Variants in GDA observed in about 807,000 individuals in gnomAD.
GDA encodes guanine deaminase.
In GDA, 18 loss-of-function variants were observed where a neutral mutation model predicts 59.6. That is an observed-to-expected ratio of 0.30 (90% CI 0.21 to 0.45). GDA has a LOEUF of 0.45. Among genes scored for constraint, GDA ranks in the 20% least tolerant of loss-of-function variants. The pLI, the probability that GDA is intolerant of heterozygous loss-of-function variation, is 1.00. For missense variants in GDA, 427 were observed against 552.3 expected (o/e 0.77, Z 2.27); for synonymous variants, 201 against 201.1 (o/e 1.00, Z 0.00).
Position 72,163,051 on chromosome 9 carries a change from A to G in GDA, c.123+13369A>G, listed in dbSNP as rs189382138. Among the ~76,000 whole-genome samples, 669 of 152,350 alleles carry G rather than the reference A, an allele frequency of 4.4e-3. 6 individuals are homozygous for G. The highest frequency in any genetic ancestry group is 0.015 in the African/African-American group (632 of 41,576). On this transcript the variant is annotated intron_variant, in intron 1 of 13. Coordinates refer to ENST00000358399, the MANE Select transcript of GDA (RefSeq NM_004293.5). ...CAAGACTTGCTGGAAGAGATGAGTT[A>G]GAAAATGACTGCAGTGGACCACAAA...
At chr9:72,210,824 A>G in intron 4 of GDA, 50 bp downstream of exon 4, 3 of 1,133,650 alleles carry the variant, frequency 2.6e-6, no homozygotes, top group Non-Finnish European at 4.0e-6. Flanking sequence ...AGACAGCCAG[A>G]CCATCGTGGC....
intron 1 of GDA, among the ~76,000 whole-genome samples, chr9:72,177,001 T>A (rs901557330): frequency 1.3e-5 from 2 of 151,632 alleles, no homozygotes; most frequent in East Asian, 3.9e-4. Context: ...TGCGTAATAG[T>A]GGAGGACTGA....
intron 3 of GDA, among the ~76,000 whole-genome samples, chr9:72,204,621 C>T (rs906004848): frequency 3.9e-5 from 6 of 152,136 alleles, no homozygotes; most frequent in South Asian, 2.1e-4. Context: ...AAATTAATCT[C>T]AATATTCCTT....
rs546934326 is a variant in GDA at position 72,135,817 on chromosome 9, G to A, written c.-100+20984G>A. ...GTGGAGACGGGGTTTTACCATGTTG[G>A]CCGGGCTGCTCTTGAACTCCTGACG... On this transcript the variant is annotated intron_variant, in intron 1 of 13. Transcript: ENST00000545168. 4.2e-3 allele frequency among the ~76,000 whole-genome samples: 634 copies of A among 152,004 alleles called. 7 individuals are homozygous for A. Among genetic ancestry groups the A allele is most frequent in the Non-Finnish European group, 7.5e-3 (508 of 67,966 alleles).
intron 1 of GDA, among the ~76,000 whole-genome samples, chr9:72,173,221 C>G (rs1373347130): frequency 6.6e-6 from 1 of 152,170 alleles, no homozygotes; most frequent in African/African-American, 2.4e-5. Flanking sequence ...GAGCCACATT[C>G]CTTTTATGCT....
chr9:72,194,823 T>C (rs1426123998), intron 1 of GDA, among the ~76,000 whole-genome samples: 2 of 152,174 alleles, frequency 1.3e-5, no homozygotes, highest in Non-Finnish European at 2.9e-5. Context: ...GGATCAGCAA[T>C]TCCCCTCTGG....
At chr9:72,203,090 A>C (rs1834213704) in intron 3 of GDA, among the ~76,000 whole-genome samples, 1 of 152,186 alleles carries the variant, frequency 6.6e-6, no homozygotes, top group African/African-American at 2.4e-5. Flanking sequence ...ATATGGATTC[A>C]TTATGTGACC....
intron 1 of GDA, among the ~76,000 whole-genome samples, chr9:72,172,858 G>A (rs1358645454): frequency 6.6e-6 from 1 of 151,886 alleles, no homozygotes; most frequent in Non-Finnish European, 1.5e-5. Flanking sequence ...CAACCCTCCT[G>A]TAAACATTTA....
At chr9:72,224,655 C>T (rs1003806943) in intron 7 of GDA, among the ~76,000 whole-genome samples, 5 of 152,068 alleles carry the variant, frequency 3.3e-5, no homozygotes, top group African/African-American at 1.2e-4. Flanking sequence ...TAACAAAGGG[C>T]ACAGAATGGA....
intron 1 of GDA, among the ~76,000 whole-genome samples, chr9:72,186,707 AT>A (rs1455464700): frequency 6.6e-6 from 1 of 152,220 alleles, no homozygotes; most frequent in Admixed American, 6.5e-5. Flanking sequence ...CTTCCGTGTT[AT>A]TTACAGAATA....
chr9:72,212,355 G>C (rs925411181), intron 4 of GDA, among the ~76,000 whole-genome samples: 1 of 151,856 alleles, frequency 6.6e-6, no homozygotes, highest in African/African-American at 2.4e-5. Context: ...AGTGGTGGGC[G>C]CCTGTAGTCC....
intron 1 of GDA, among the ~76,000 whole-genome samples, chr9:72,150,668 C>G (rs1166411758): frequency 6.6e-6 from 1 of 152,138 alleles, no homozygotes; most frequent in African/African-American, 2.4e-5. Flanking sequence ...TGTGATTTGT[C>G]AAGTTGAAGA....
chr9:72,140,514 A>G (rs573661474), intron 1 of GDA, among the ~76,000 whole-genome samples: 4 of 152,306 alleles, frequency 2.6e-5, no homozygotes, highest in African/African-American at 9.6e-5. Context: ...ATGCAAAACA[A>G]TATATTCCCA....
At position 72,158,939 on chromosome 9, in the gene GDA, A is replaced by C. The variant is rs115373199; in HGVS notation, c.123+9257A>C. On this transcript the variant is annotated intron_variant, in intron 1 of 13. Coordinates refer to ENST00000358399, the MANE Select transcript of GDA (RefSeq NM_004293.5). ...TACAAATGAGGAAACGGAGGCTCGG[A>C]GAGTTACTTGGCTGCAGTCACAGCA... Among the ~76,000 whole-genome samples, 978 of 152,204 alleles carry C rather than the reference A, an allele frequency of 6.4e-3. 14 individuals carry two copies. The highest frequency in any genetic ancestry group is 0.022 in the African/African-American group (907 of 41,522).
Position 72,250,871 on chromosome 9 carries a change from A to T in GDA, c.*2529A>T, listed in dbSNP as rs902979455. The T allele has an allele frequency of 3.0e-5, 47 of 1,585,494 alleles. No homozygotes were observed. The highest frequency in any genetic ancestry group is 8.5e-5 in the Admixed American group (5 of 58,592). Reference sequence around the variant, plus strand: ...AAACAATTCAAAAGTATCGATTATCATAAATTCACAAAATATTTTTGCAAC... The same window carrying T: ...AAACAATTCAAAAGTATCGATTATCTTAAATTCACAAAATATTTTTGCAAC... On this transcript the variant is annotated 3_prime_UTR_variant, in exon 14 of 14. Coordinates refer to ENST00000358399, the MANE Select transcript of GDA (RefSeq NM_004293.5).
At chr9:72,213,829 A>G in intron 4 of GDA, 57 bp from the exon 5 acceptor site, 3 of 1,042,244 alleles carry the variant, frequency 2.9e-6, no homozygotes, top group Non-Finnish European at 4.4e-6. Flanking sequence ...AGAAAAAGAA[A>G]AAGTACTGTT....
At chr9:72,231,047 T>C in intron 9 of GDA, 67 bp from the exon 10 acceptor site, 1 of 886,262 alleles carries the variant, frequency 1.1e-6, no homozygotes, top group Admixed American at 1.7e-5. Flanking sequence ...ACCGTCATTG[T>C]TATTAGTGTT....
At chr9:72,129,821 G>A (rs1159689035) in intron 1 of GDA, among the ~76,000 whole-genome samples, 1 of 152,108 alleles carries the variant, frequency 6.6e-6, no homozygotes, top group African/African-American at 2.4e-5. Context: ...AGGGTTGCTT[G>A]GTAAGCATGA....
chr9:72,133,904 C>T (rs1377191032), intron 1 of GDA, among the ~76,000 whole-genome samples: 3 of 152,156 alleles, frequency 2.0e-5, no homozygotes, highest in Non-Finnish European at 4.4e-5. Flanking sequence ...TTTGAGCTAT[C>T]ACAGGAGTGT....
Sources: allele counts gnomAD v4.1 joint callset (sites outside exome capture counted in the v4.1 genomes callset), GRCh38; gene constraint gnomAD v4.1.1; transcripts MANE v1.5; gene names NCBI Gene and HGNC (gene_info 2026-07-23, HGNC 2026-07-21).